The following TMIGD3 variants were observed in gnomAD, a reference collection of about 807,000 sequenced individuals.
TMIGD3 encodes the protein AD026 protein (AD026).
A neutral mutation model predicts 28.1 loss-of-function variants in TMIGD3; 21 were observed. The observed-to-expected ratio is 0.75, with a 90% CI of 0.53 to 1.08. The LOEUF (loss-of-function observed/expected upper bound fraction) is 1.08. TMIGD3 is among the 50% of genes least tolerant of loss of function. The pLI is 0.00. For missense variants in TMIGD3, 416 were observed against 435.6 expected (o/e 0.96, Z 0.40); for synonymous variants, 151 against 162.1 (o/e 0.93, Z 0.52).
chr1:111,555,119 ACT>A (rs962901007), intron 1 of TMIGD3, among the ~76,000 whole-genome samples: 1 of 152,032 alleles, frequency 6.6e-6, no homozygotes, highest in Non-Finnish European at 1.5e-5. Flanking sequence ...TAATTCCAAC[ACT>A]CTGGGAGGCA....
chr1:111,543,208 T>G (rs1656908323), intron 1 of TMIGD3, among the ~76,000 whole-genome samples: 1 of 152,184 alleles, frequency 6.6e-6, no homozygotes, highest in African/African-American at 2.4e-5. Context: ...TTTTCACTGA[T>G]GAAAGATCAA....
At chr1:111,489,873 C>G (rs895685100) in intron 2 of TMIGD3, 2 of 520,216 alleles carry the variant, frequency 3.8e-6, no homozygotes, top group South Asian at 8.9e-5. Flanking sequence ...GAGGAAGTCA[C>G]GCACACCATG....
At chr1:111,563,007 A>AATT (rs544187702) in intron 1 of TMIGD3, among the ~76,000 whole-genome samples, 1 of 152,348 alleles carries the variant, frequency 6.6e-6, no homozygotes, top group South Asian at 2.1e-4. Flanking sequence ...GCCTTTTATA[A>AATT]ATTATTATTA....
At chr1:111,529,359 T>C (rs1336130015) in intron 1 of TMIGD3, among the ~76,000 whole-genome samples, 1 of 150,352 alleles carries the variant, frequency 6.7e-6, no homozygotes, top group East Asian at 1.9e-4. Context: ...GGATACAATT[T>C]CTTTCTTTCT....
intron 3 of TMIGD3, 131 bp from the exon 4 acceptor site, chr1:111,486,783 G>C: frequency 1.3e-6 from 1 of 769,612 alleles, no homozygotes; most frequent in Non-Finnish European, 2.3e-6. Flanking sequence ...GAGTAAAGCA[G>C]AGGTACCACG....
chr1:111,511,139 G>A (rs1571425015), intron 1 of TMIGD3, among the ~76,000 whole-genome samples: 2 of 152,026 alleles, frequency 1.3e-5, no homozygotes, highest in South Asian at 4.2e-4. Context: ...TCCTCTACAC[G>A]CCCACATCGC....
chr1:111,489,064 C>A, intron 2 of TMIGD3, 40 bp from the exon 3 acceptor site: 1 of 1,526,326 alleles, frequency 6.6e-7, no homozygotes, highest in Non-Finnish European at 9.0e-7. Context: ...TGCACACACA[C>A]ACACCATTGT....
rs776648795 is a variant in TMIGD3 at position 111,500,475 on chromosome 1, G to A, written c.350+2530C>T. On this transcript the variant is annotated intron_variant, in intron 1 of 5. Coordinates refer to ENST00000369716, the MANE Select transcript of TMIGD3 (RefSeq NM_020683.7). ...GTTTCATGTTCCAGCCAAACATGGG[G>A]GTCAATCCCACCAGGAATGACACCA... 1.9e-5 allele frequency: 30 copies of A among 1,613,948 alleles called. No individual in the cohort carries two copies. In the South Asian group the frequency reaches 2.5e-4, roughly 14 times the overall value.
intron 1 of TMIGD3, among the ~76,000 whole-genome samples, chr1:111,549,406 C>T (rs543552675): frequency 6.7e-6 from 1 of 149,122 alleles, no homozygotes; most frequent in African/African-American, 2.5e-5. Context: ...CCCAGCACTT[C>T]GGGAGGCTGA....
chr1:111,509,302 A>C lies in TMIGD3; in HGVS notation c.108-18540T>G, dbSNP rs151134044. ...CTTGTGAGCTCAGGTCCCACTGGTC[A>C]ATTTTCCCAGCCTTTGCTGGAGAGC... On this transcript the variant is annotated intron_variant, in intron 1 of 5. Coordinates refer to the TMIGD3 transcript ENST00000369717. Among the ~76,000 whole-genome samples, 116 of 152,274 alleles carry C rather than the reference A, an allele frequency of 7.6e-4. 1 individual carries two copies. The highest frequency in any genetic ancestry group is 1.3e-3 in the Non-Finnish European group (87 of 68,018).
intron 1 of TMIGD3, among the ~76,000 whole-genome samples, chr1:111,548,694 G>A (rs72695240): frequency 0.046 from 6,956 of 152,180 alleles, 219 homozygotes; most frequent in Non-Finnish European, 0.073. Context: ...GTCTGCCACC[G>A]TAGGCTTCAT....
At chr1:111,490,498 T>C (rs1425339153) in intron 2 of TMIGD3, 158 bp downstream of exon 2, 3 of 603,612 alleles carry the variant, frequency 5.0e-6, no homozygotes, top group Non-Finnish European at 5.9e-6. Context: ...AGAACTAATA[T>C]GGACAAGACC....
rs1557824147 is a variant in TMIGD3, at chr1:111,502,164, T to TTATTATAATAAATATATAGGATATATA, written c.350+814_350+840dup. 1.2e-4 allele frequency among the ~76,000 whole-genome samples: 4 copies of TTATTATAATAAATATATAGGATATATA among 32,478 alleles called. No individual in the cohort carries two copies. In the South Asian group the frequency reaches 2.4e-3, roughly 19 times the overall value. The allele number at this position is 32,478 out of a possible 152,430, so 21.3% of individuals were successfully genotyped here. On this transcript the variant is annotated intron_variant, in intron 1 of 5. Coordinates refer to ENST00000369716, the MANE Select transcript of TMIGD3 (RefSeq NM_020683.7). ...TATAATAAATATATAGGATATATAT[T>TTATTATAATAAATATATAGGATATATA]TATTATAATAAATATATAGGATATA...
intron 1 of TMIGD3, among the ~76,000 whole-genome samples, chr1:111,557,940 G>T (rs549762347): frequency 5.1e-4 from 78 of 152,156 alleles, no homozygotes; most frequent in African/African-American, 1.8e-3. Flanking sequence ...AGAAAATTAT[G>T]CATGTTAAGA....
intron 1 of TMIGD3, among the ~76,000 whole-genome samples, chr1:111,519,059 C>T (rs1170089140): frequency 6.6e-6 from 1 of 152,194 alleles, no homozygotes; most frequent in Non-Finnish European, 1.5e-5. Flanking sequence ...CTGCCTCATC[C>T]TCCCAAGTAG....
chr1:111,553,983 C>G (rs1657378757), intron 1 of TMIGD3, among the ~76,000 whole-genome samples: 1 of 152,200 alleles, frequency 6.6e-6, no homozygotes, highest in South Asian at 2.1e-4. Context: ...TGACTGTAAG[C>G]AAGAAGAGGA....
intron 1 of TMIGD3, among the ~76,000 whole-genome samples, chr1:111,520,037 T>G (rs1266342596): frequency 6.6e-6 from 1 of 152,132 alleles, no homozygotes; most frequent in East Asian, 1.9e-4. Flanking sequence ...ACAGACCCGG[T>G]TAACCACTGT....
intron 1 of TMIGD3, chr1:111,542,315 G>A (rs1656863991): frequency 2.0e-6 from 1 of 499,552 alleles, no homozygotes; most frequent in Non-Finnish European, 4.0e-6. Context: ...GAGCAAAGAA[G>A]TTAAAAGAGA....
At chr1:111,534,235 A>T (rs1254611087) in intron 1 of TMIGD3, among the ~76,000 whole-genome samples, 1 of 152,204 alleles carries the variant, frequency 6.6e-6, no homozygotes, top group Non-Finnish European at 1.5e-5. Flanking sequence ...ATACAACCTC[A>T]TTCATTGTAA....
Sources: allele counts gnomAD v4.1 joint callset (sites outside exome capture counted in the v4.1 genomes callset), GRCh38; gene constraint gnomAD v4.1.1; transcripts MANE v1.5; gene names NCBI Gene and HGNC (gene_info 2026-07-23, HGNC 2026-07-21).